The following IRAG2 variants were observed in gnomAD, a reference collection of about 807,000 sequenced individuals.
The protein encoded by IRAG2 is lymphoid restricted membrane protein.
IRAG2 carries 45 observed loss-of-function variants against 69.9 expected under a neutral mutation model. That is an observed-to-expected ratio of 0.64 (90% CI 0.51 to 0.83). IRAG2 has a LOEUF of 0.83. IRAG2 is among the 40% of genes least tolerant of loss of function. IRAG2 has a pLI of 0.00. For synonymous variants in IRAG2, 193 were observed against 202.4 expected (o/e 0.95, Z 0.40); for missense variants, 520 against 587.0 (o/e 0.89, Z 1.18).
intron 16 of IRAG2, among the ~76,000 whole-genome samples, chr12:25,045,723 T>A (rs1320361275): frequency 6.6e-6 from 1 of 151,668 alleles, no homozygotes; most frequent in Non-Finnish European, 1.5e-5. Context: ...AAGGAGATTG[T>A]CTCAGTAATT....
chr12:25,094,638 TG>T (rs1280255862), intron 14 of IRAG2, among the ~76,000 whole-genome samples: 1 of 152,188 alleles, frequency 6.6e-6, no homozygotes, highest in Admixed American at 6.5e-5. Flanking sequence ...GAGATGCCCT[TG>T]AATCTGTGTA....
At chr12:25,104,501 C>T (rs1329839215) in intron 20 of IRAG2, 39 bp downstream of exon 20, 3 of 1,107,838 alleles carry the variant, frequency 2.7e-6, no homozygotes, top group Non-Finnish European at 4.2e-6. Flanking sequence ...CTGACATGAA[C>T]TGGGGCATAA....
chr12:25,024,882 C>G (rs777648811), intron 8 of IRAG2, among the ~76,000 whole-genome samples: 7 of 152,152 alleles, frequency 4.6e-5, no homozygotes, highest in Non-Finnish European at 8.8e-5. Flanking sequence ...CAAACCAGTT[C>G]AGAATTGAGA....
chr12:25,099,061 C>T (rs573653462), intron 15 of IRAG2, among the ~76,000 whole-genome samples: 104 of 152,198 alleles, frequency 6.8e-4, no homozygotes, highest in African/African-American at 2.3e-3. Flanking sequence ...ATTGAAGAGC[C>T]CCAGGACTCC....
At chr12:25,105,072 T>G (rs910024202) in intron 20 of IRAG2, among the ~76,000 whole-genome samples, 148 of 13,036 alleles carry the variant, frequency 0.011, no homozygotes, top group Non-Finnish European at 0.019. Context: ...TTGGTCTCAG[T>G]TTTTTTTTTT....
chr12:25,059,063 C>A (rs976065279), intron 1 of IRAG2, among the ~76,000 whole-genome samples: 1 of 152,170 alleles, frequency 6.6e-6, no homozygotes, highest in South Asian at 2.1e-4. Flanking sequence ...AGCAGATGGG[C>A]AATTTAGACA....
At chr12:25,077,330 TATATATATGAAATATATATATG>T (rs1946853247) in intron 6 of IRAG2, among the ~76,000 whole-genome samples, 2 of 12,252 alleles carry the variant, frequency 1.6e-4, no homozygotes, top group Admixed American at 1.1e-3. Context: ...ATATATATGA[TATATATATGAAATATATATATG>T]ATATATATGA....
chr12:25,089,877 C>T (rs1947916887), intron 13 of IRAG2, 87 bp downstream of exon 13: 2 of 1,408,446 alleles, frequency 1.4e-6, no homozygotes, highest in African/African-American at 2.8e-5. Flanking sequence ...CACAAGCTCT[C>T]ATATGCTCGG....
chr12:25,100,212 G>C (rs954465154), intron 15 of IRAG2, among the ~76,000 whole-genome samples: 1 of 151,916 alleles, frequency 6.6e-6, no homozygotes, highest in Non-Finnish European at 1.5e-5. Flanking sequence ...AGTTGGAAAG[G>C]AAGGAAGGAG....
At chr12:25,020,726 T>G in intron 6 of IRAG2, 1 of 749,252 alleles carries the variant, frequency 1.3e-6, no homozygotes, top group Non-Finnish European at 1.8e-6. Flanking sequence ...CCTTGGCTGT[T>G]CTTAGTGTCT....
intron 1 of IRAG2, among the ~76,000 whole-genome samples, chr12:25,053,705 T>C (rs1945017187): frequency 6.6e-6 from 1 of 151,764 alleles, no homozygotes; most frequent in African/African-American, 2.4e-5. Flanking sequence ...AGCCAGTTTC[T>C]TGTTCTAGCA....
At chr12:25,023,934 C>A in intron 8 of IRAG2, 4 of 1,214,130 alleles carry the variant, frequency 3.3e-6, no homozygotes, top group Non-Finnish European at 4.1e-6. Context: ...ATGTCAGAAT[C>A]GTTAAACACT....
chr12:25,053,198 C>G (rs1274840289), intron 1 of IRAG2, among the ~76,000 whole-genome samples: 1 of 151,376 alleles, frequency 6.6e-6, no homozygotes, highest in Admixed American at 6.6e-5. Context: ...TTGTCTGTGG[C>G]TGTTTTTTTC....
intron 15 of IRAG2, among the ~76,000 whole-genome samples, chr12:25,098,872 C>T (rs1394296037): frequency 6.6e-6 from 1 of 152,122 alleles, no homozygotes; most frequent in Non-Finnish European, 1.5e-5. Flanking sequence ...TCACTAGTGA[C>T]CTCCACATTA....
intron 16 of IRAG2, among the ~76,000 whole-genome samples, chr12:25,047,083 T>C (rs1944800973): frequency 6.6e-6 from 1 of 152,174 alleles, no homozygotes; most frequent in East Asian, 1.9e-4. Context: ...AGGGAAAGGA[T>C]AATCTCTTCA....
intron 9 of IRAG2, among the ~76,000 whole-genome samples, chr12:25,080,344 T>C (rs990765720): frequency 1.3e-5 from 2 of 149,224 alleles, no homozygotes; most frequent in Non-Finnish European, 3.0e-5. Context: ...AATTCATTCT[T>C]TTTCTTTTAT....
chr12:25,077,255 T>TATATATG lies in IRAG2; in HGVS notation c.25-1983_25-1982insGATATAT, dbSNP rs1946789162. On this transcript the variant is annotated intron_variant, in intron 6 of 21. Coordinates refer to ENST00000556887, the MANE Select transcript of IRAG2 (RefSeq NM_001366544.2). ...ATATATATATGAAATATATATATGA[T>TATATATG]ATATATATGAAATATATATGAAATA... is the stretch of plus-strand genomic sequence containing the variant. 9.1e-5 allele frequency among the ~76,000 whole-genome samples: 3 copies of TATATATG among 32,864 alleles called. 1 individual carries two copies. The highest frequency in any genetic ancestry group is 9.1e-4 in the South Asian group (1 of 1,100). The allele number at this position is 32,864 out of a possible 152,430, so 21.6% of individuals were successfully genotyped here.
intron 6 of IRAG2, among the ~76,000 whole-genome samples, chr12:25,075,547 T>C (rs1302457479): frequency 6.8e-6 from 1 of 147,060 alleles, no homozygotes; most frequent in African/African-American, 2.5e-5. Flanking sequence ...TGTGTGTGTG[T>C]GTGTGTGTGT....
chr12:25,049,915 G>A (rs568351611), upstream of IRAG2, among the ~76,000 whole-genome samples: 3 of 142,830 alleles, frequency 2.1e-5, no homozygotes, highest in Admixed American at 2.2e-4. Flanking sequence ...CCCGGGAGGC[G>A]GAGCTTGCAG....
Sources: allele counts gnomAD v4.1 joint callset (sites outside exome capture counted in the v4.1 genomes callset), GRCh38; gene constraint gnomAD v4.1.1; transcripts MANE v1.5; gene names NCBI Gene and HGNC (gene_info 2026-07-23, HGNC 2026-07-21).